The following MSRA variants were observed in gnomAD, a reference collection of about 807,000 sequenced individuals.
MSRA encodes methionine sulfoxide reductase A, also known as mitochondrial peptide methionine sulfoxide reductase.
MSRA carries 54 observed loss-of-function variants against 31.3 expected under a neutral mutation model. That is an observed-to-expected ratio of 1.73 (90% confidence interval 1.39 to 2.17). MSRA has a LOEUF of 2.17. MSRA is among the 30% of genes most tolerant of loss of function. MSRA has a pLI of 0.00. For missense variants in MSRA, 507 were observed against 300.9 expected, an observed-to-expected ratio of 1.69 and a Z score of -5.07; for synonymous variants, 169 against 116.5, an observed-to-expected ratio of 1.45 and a Z score of -2.90.
At position 10,244,509 on chromosome 8, in the gene MSRA, G is replaced by A. The variant is rs142783976; in HGVS notation, c.212-595G>A. ...TGCCTCCCTTCCAAACCCTTCTCCT[G>A]CGTTCATTATATCCAGAAATAAAAC... On this transcript the variant is annotated intron_variant, in intron 2 of 5. Coordinates refer to ENST00000317173, the MANE Select transcript of MSRA (RefSeq NM_012331.5). 9.5e-4 allele frequency among the ~76,000 whole-genome samples: 145 copies of A among 152,148 alleles called. 2 individuals are homozygous for A. The East Asian group carries it at 0.021, about 22-fold the overall frequency.
At position 10,186,154 on chromosome 8, in the gene MSRA, C is replaced by T. The variant is rs79331651; in HGVS notation, c.143-21679C>T. 4.8e-3 allele frequency among the ~76,000 whole-genome samples: 729 copies of T among 152,278 alleles called. 6 individuals carry two copies. The highest frequency in any genetic ancestry group is 0.017 in the African/African-American group (689 of 41,552). On this transcript the variant is annotated intron_variant, in intron 1 of 5. Coordinates refer to ENST00000317173, the MANE Select transcript of MSRA (RefSeq NM_012331.5). Reference sequence around the variant, plus strand: ...GTGCTCCTGGCCTTTCCTCACGTGGCCCTTTTCCTATCATGTATTCACCTC... The same window carrying T: ...GTGCTCCTGGCCTTTCCTCACGTGGTCCTTTTCCTATCATGTATTCACCTC...
At chr8:10,173,958 C>G (rs1463312819) in intron 1 of MSRA, among the ~76,000 whole-genome samples, 1 of 152,152 alleles carries the variant, frequency 6.6e-6, no homozygotes, top group African/African-American at 2.4e-5. Flanking sequence ...GGTCAGCATC[C>G]ACATTGAGGT....
intron 2 of MSRA, among the ~76,000 whole-genome samples, chr8:10,214,058 A>G (rs1382173197): frequency 6.6e-6 from 1 of 152,186 alleles, no homozygotes; most frequent in Non-Finnish European, 1.5e-5. Flanking sequence ...TCTGACCTCA[A>G]ACCACTGGAA....
At chr8:10,366,138 C>T (rs576102726) in intron 5 of MSRA, among the ~76,000 whole-genome samples, 10 of 152,292 alleles carry the variant, frequency 6.6e-5, no homozygotes, top group African/African-American at 1.9e-4. Flanking sequence ...TTTATCTGGA[C>T]GGCTTTCTAG....
intron 1 of MSRA, among the ~76,000 whole-genome samples, chr8:10,105,843 A>G (rs1799844794): frequency 6.6e-6 from 1 of 152,224 alleles, no homozygotes; most frequent in Non-Finnish European, 1.5e-5. Flanking sequence ...CCGTCTAAAC[A>G]AAACCCACCT....
intron 3 of MSRA, among the ~76,000 whole-genome samples, chr8:10,300,637 T>G (rs1224916574): frequency 6.6e-6 from 1 of 152,142 alleles, no homozygotes; most frequent in African/African-American, 2.4e-5. Flanking sequence ...TGCACCCTCC[T>G]CGGCCTCTCA....
Position 10,245,161 on chromosome 8 carries a change from C to A in MSRA, c.269C>A (p.Ser90Ter). The A allele has an allele frequency of 3.7e-6, 6 of 1,613,286 alleles. No individual in the cohort carries two copies. The highest frequency in any genetic ancestry group is 5.1e-6 in the Non-Finnish European group (6 of 1,179,708). The part of the protein sequence containing the change: ...RKFWVLKGVY[S>*]TQVGFAGGYT... ...TTCTGGGTCTTGAAAGGAGTGTATT[C>A]AACTCAAGTTGGTTTTGCAGGAGGC... Residue 90 changes from serine (S) to a stop codon, truncating the protein, a stop_gained, in exon 3 of 6, where the codon TCA becomes TAA. Coordinates refer to ENST00000317173, the MANE Select transcript of MSRA (RefSeq NM_012331.5). LOFTEE classifies it high-confidence loss of function.
At chr8:10,153,491 C>T (rs1480257034) in intron 1 of MSRA, among the ~76,000 whole-genome samples, 1 of 147,242 alleles carries the variant, frequency 6.8e-6, no homozygotes, top group African/African-American at 2.5e-5. Flanking sequence ...ACACCAGCGT[C>T]TTTCTTCAGG....
At chr8:10,250,711 C>G (rs958325647) in intron 3 of MSRA, 1 of 517,290 alleles carries the variant, frequency 1.9e-6, no homozygotes, top group East Asian at 3.0e-5. Flanking sequence ...ATGGAACTGA[C>G]TGTATGGTCT....
At chr8:10,216,701 C>G (rs1001125832) in intron 2 of MSRA, among the ~76,000 whole-genome samples, 2 of 152,208 alleles carry the variant, frequency 1.3e-5, no homozygotes, top group Non-Finnish European at 2.9e-5. Context: ...GCTTATTCTA[C>G]TTCGCATAAT....
In MSRA at chr8:10,221,034, A is replaced by T. The variant is rs150039961; in HGVS notation, c.211+13133A>T. On this transcript the variant is annotated intron_variant, in intron 2 of 5. Coordinates refer to ENST00000317173, the MANE Select transcript of MSRA (RefSeq NM_012331.5). ...GTGTCTTTGGCCAGGCCTCACACTG[A>T]CAGCTCTGCAGTACAGATATGCAGT... Among the ~76,000 whole-genome samples, 50 of 152,298 alleles carry T rather than the reference A, an allele frequency of 3.3e-4. No individual in the cohort carries two copies. In the East Asian group the frequency reaches 7.1e-3, roughly 22 times the overall value.
At chr8:10,262,356 C>T (rs771874573) in intron 3 of MSRA, among the ~76,000 whole-genome samples, 12 of 152,222 alleles carry the variant, frequency 7.9e-5, no homozygotes, top group Non-Finnish European at 1.8e-4. Context: ...GTGGGAGTTC[C>T]TGTTACTTTA....
chr8:10,342,187 T>C (rs144365668), intron 5 of MSRA, among the ~76,000 whole-genome samples: 31 of 152,352 alleles, frequency 2.0e-4, no homozygotes, highest in Non-Finnish European at 4.3e-4. Context: ...TTTGTTTCCA[T>C]GGGTCTCACA....
At chr8:10,182,633 A>G (rs1432846153) in intron 1 of MSRA, among the ~76,000 whole-genome samples, 2 of 152,202 alleles carry the variant, frequency 1.3e-5, no homozygotes, top group Non-Finnish European at 2.9e-5. Context: ...TTATGATACA[A>G]GCATGCGGTG....
intron 4 of MSRA, among the ~76,000 whole-genome samples, chr8:10,303,810 A>G (rs1800978948): frequency 6.6e-6 from 1 of 152,238 alleles, no homozygotes; most frequent in Non-Finnish European, 1.5e-5. Flanking sequence ...GTTTTTCTTA[A>G]GCTAGTTTTT....
rs185566120 is a variant in MSRA, at chr8:10,356,430, C to T, written c.543+36441C>T. Reference sequence around the variant, plus strand: ...TCCTCCATCTGCCCCACCCCAGTTACAGCTTTACAGCTCCTCACCCTTCCC... The same window carrying T: ...TCCTCCATCTGCCCCACCCCAGTTATAGCTTTACAGCTCCTCACCCTTCCC... On this transcript the variant is annotated intron_variant, in intron 5 of 5. Coordinates refer to ENST00000317173, the MANE Select transcript of MSRA (RefSeq NM_012331.5). Among the ~76,000 whole-genome samples, 480 of 152,350 alleles carry T rather than the reference C, an allele frequency of 3.2e-3. 4 individuals carry two copies. Among genetic ancestry groups the T allele is most frequent in the African/African-American group, 0.011 (447 of 41,584 alleles).
chr8:10,152,701 A>G (rs894966422), intron 1 of MSRA, among the ~76,000 whole-genome samples: 2 of 152,212 alleles, frequency 1.3e-5, no homozygotes, highest in African/African-American at 4.8e-5. Flanking sequence ...GGAGGTTGTT[A>G]AAAATGAGTA....
chr8:10,283,316 T>G (rs1182963571), intron 3 of MSRA, among the ~76,000 whole-genome samples: 1 of 152,176 alleles, frequency 6.6e-6, no homozygotes, highest in Non-Finnish European at 1.5e-5. Context: ...TTTAGCTGCC[T>G]TCAGAACCCT....
chr8:10,360,558 A>G (rs1804787145), intron 5 of MSRA, among the ~76,000 whole-genome samples: 3 of 152,214 alleles, frequency 2.0e-5, no homozygotes, highest in South Asian at 2.1e-4. Context: ...GATGGGAGAC[A>G]GGGCCCCTTG....
Sources: allele counts gnomAD v4.1 joint callset (sites outside exome capture counted in the v4.1 genomes callset), GRCh38; gene constraint gnomAD v4.1.1; transcripts MANE v1.5; gene names NCBI Gene and HGNC (gene_info 2026-07-23, HGNC 2026-07-21).